The following UHRF2 variants were observed in gnomAD, a reference collection of about 807,000 sequenced individuals.
UHRF2 encodes E3 ubiquitin-protein ligase UHRF2.
A neutral mutation model predicts 96.8 loss-of-function variants in UHRF2; 23 were observed. The observed-to-expected ratio is 0.24, with a 90% CI of 0.17 to 0.34. The LOEUF (loss-of-function observed/expected upper bound fraction) is 0.34. UHRF2 is among the 10% of genes least tolerant of loss of function. UHRF2 has a pLI of 1.00. For missense variants in UHRF2, 685 were observed against 981.5 expected (o/e 0.70, Z 4.04); for synonymous variants, 385 against 332.6 (o/e 1.16, Z -1.72).
Position 6,433,995 on chromosome 9 carries a change from G to C in UHRF2, c.466G>C (p.Asp156His). 1 of 1,614,090 alleles carries C rather than the reference G, an allele frequency of 6.2e-7. No individual in the cohort carries two copies. ...AHIHSVTRAS[D>H]GQSRGKTPLK... ...CATACATAGTGTTACTAGAGCTTCT[G>C]ATGGACAGTCACGTGGCAAAACTCC... Residue 156 changes from aspartate to histidine, a missense_variant, in exon 3 of 16, where the codon GAT (aspartate) becomes CAT (histidine). Physicochemically the swap from Asp to His is moderately conservative, Grantham distance 81. Coordinates refer to ENST00000276893, the MANE Select transcript of UHRF2 (RefSeq NM_152896.3).
chr9:6,446,232 C>G (rs1832048535), intron 3 of UHRF2, among the ~76,000 whole-genome samples: 1 of 151,770 alleles, frequency 6.6e-6, no homozygotes, highest in African/African-American at 2.4e-5. Flanking sequence ...CTCACTGCAA[C>G]CTCCGCCTCC....
At chr9:6,464,506 A>G (rs1330771917) in intron 4 of UHRF2, among the ~76,000 whole-genome samples, 2 of 151,862 alleles carry the variant, frequency 1.3e-5, no homozygotes, top group Admixed American at 6.6e-5. Flanking sequence ...TCTTAAAGAT[A>G]CTCTTGTATT....
Position 6,413,498 on chromosome 9 carries a change from T to G in UHRF2, c.8T>G (p.Ile3Arg), listed in dbSNP as rs1437444894. The change falls in exon 1 of 16, where the codon ATA becomes AGA. Residue 3 changes from isoleucine (I) to arginine (R), a missense_variant. Around this residue, in one of 6 missense-constraint regions of UHRF2, gnomAD observed 38 missense variants for 35.9 expected, o/e 1.06. Transcript: ENST00000276893. ...TCCTCTCTAGGCGCCAAGATGTGGA[T>G]ACAGGTTCGCACCATTGATGGCTCC... MW[I>R]QVRTIDGSKT... 1 of 1,566,072 alleles carries G rather than the reference T, an allele frequency of 6.4e-7. No individual in the cohort carries two copies. Among genetic ancestry groups the G allele is most frequent in the Admixed American group, 1.8e-5 (1 of 54,582 alleles).
At chr9:6,414,544 A>G (rs1819479293) in intron 1 of UHRF2, among the ~76,000 whole-genome samples, 1 of 152,066 alleles carries the variant, frequency 6.6e-6, no homozygotes, top group South Asian at 2.1e-4. Flanking sequence ...CTTACAATCT[A>G]TATCCCTAGC....
At chr9:6,426,288 G>A (rs1820257950) in intron 2 of UHRF2, among the ~76,000 whole-genome samples, 1 of 152,144 alleles carries the variant, frequency 6.6e-6, no homozygotes, top group Non-Finnish European at 1.5e-5. Flanking sequence ...TTACTATGTG[G>A]TATAGATGTT....
intron 7 of UHRF2, 27 bp from the exon 8 acceptor site, chr9:6,481,965 T>A (rs749033730): frequency 2.7e-5 from 44 of 1,605,074 alleles, no homozygotes; most frequent in Non-Finnish European, 3.7e-5. Flanking sequence ...ATAACTGATT[T>A]CTCAACGTTT....
intron 13 of UHRF2, 44 bp downstream of exon 13, chr9:6,499,975 G>A (rs1385719191): frequency 7.4e-7 from 1 of 1,342,838 alleles, no homozygotes; most frequent in Admixed American, 2.0e-5. Flanking sequence ...ACATACTTTT[G>A]TTGTTGTTGT....
intron 1 of UHRF2, 113 bp from the exon 2 acceptor site, chr9:6,420,799 T>A (rs1400155661): frequency 8.9e-6 from 7 of 785,940 alleles, no homozygotes; most frequent in Non-Finnish European, 1.5e-5. Flanking sequence ...GGTTTTAAAA[T>A]CTCTAAACTG....
intron 4 of UHRF2, among the ~76,000 whole-genome samples, chr9:6,466,219 G>A (rs1443528857): frequency 6.6e-6 from 1 of 152,052 alleles, no homozygotes; most frequent in Non-Finnish European, 1.5e-5. Context: ...TGGCCAGCAG[G>A]GTGAAACCTC....
intron 8 of UHRF2, among the ~76,000 whole-genome samples, chr9:6,483,154 A>G (rs1824027017): frequency 6.6e-6 from 1 of 151,614 alleles, no homozygotes; most frequent in African/African-American, 2.4e-5. Flanking sequence ...GGTGAGACCC[A>G]TCTCTACTAA....
Position 6,477,671 on chromosome 9 carries a change from A to T in UHRF2, c.1023A>T (p.Lys341Asn). 1.3e-5 allele frequency: 21 copies of T among 1,614,134 alleles called. No individual in the cohort carries two copies. Among genetic ancestry groups the T allele is most frequent in the Non-Finnish European group, 1.8e-5 (21 of 1,179,982 alleles). Residue 341 changes from lysine to asparagine, a missense_variant, in exon 6 of 16, where the codon AAA (lysine) becomes AAT (asparagine). By Grantham distance (94) the Lys-to-Asn change is moderately conservative. Transcript: ENST00000276893. ...CDLCGGDPEKKCHSCSCRVCG... is the reference protein window; with the variant it reads ...CDLCGGDPEKNCHSCSCRVCG... ...TGTGTGGTGGAGACCCAGAAAAGAA[A>T]TGTCATTCTTGCTCCTGTCGTGTAT...
chr9:6,505,027 C>T (rs1364119379), intron 15 of UHRF2, among the ~76,000 whole-genome samples: 3 of 152,000 alleles, frequency 2.0e-5, no homozygotes, highest in Non-Finnish European at 4.4e-5. Context: ...ATTAATAAAT[C>T]ATATAAAACA....
At chr9:6,413,762 C>T (rs1392147370) in intron 1 of UHRF2, 119 bp downstream of exon 1, 15 of 1,242,422 alleles carry the variant, frequency 1.2e-5, no homozygotes, top group East Asian at 3.2e-5. Flanking sequence ...GGCTCCGCTG[C>T]GGGTGGGCAG....
chr9:6,484,440 C>A (rs990216126), intron 8 of UHRF2, among the ~76,000 whole-genome samples: 2 of 147,326 alleles, frequency 1.4e-5, no homozygotes, highest in Middle Eastern at 3.6e-3. Flanking sequence ...TGTCTCTTCC[C>A]TCCTCCCTCC....
At chr9:6,474,212 T>C (rs1475108764) in intron 4 of UHRF2, among the ~76,000 whole-genome samples, 1 of 152,254 alleles carries the variant, frequency 6.6e-6, no homozygotes, top group Non-Finnish European at 1.5e-5. Context: ...AAGCTATGCA[T>C]TTATGCAGTT....
chr9:6,459,843 C>T (rs182853963), intron 3 of UHRF2, among the ~76,000 whole-genome samples: 205 of 152,270 alleles, frequency 1.3e-3, no homozygotes, highest in African/African-American at 4.8e-3. Flanking sequence ...TGTGGTGGCA[C>T]GTGTCTGTAG....
At chr9:6,463,282 A>G (rs1259101594) in intron 4 of UHRF2, among the ~76,000 whole-genome samples, 1 of 14,168 alleles carries the variant, frequency 7.1e-5, no homozygotes, top group Non-Finnish European at 1.3e-4. Context: ...ACTTCGTCTC[A>G]ATAAAAAAAA....
At chr9:6,487,190 T>TTATTTTTTATTTTTA (rs1462179498) in intron 9 of UHRF2, among the ~76,000 whole-genome samples, 13 of 128,756 alleles carry the variant, frequency 1.0e-4, no homozygotes, top group African/African-American at 3.6e-4. Context: ...TCCTTTTTTT[T>TTATTTTTTATTTTTA]TTTTTTTTTT....
At chr9:6,472,260 G>T (rs952372729) in intron 4 of UHRF2, among the ~76,000 whole-genome samples, 13 of 152,198 alleles carry the variant, frequency 8.5e-5, no homozygotes, top group Non-Finnish European at 1.8e-4. Context: ...AGCAAAAAGT[G>T]AAGTTAGACC....
Sources: allele counts gnomAD v4.1 joint callset (sites outside exome capture counted in the v4.1 genomes callset), GRCh38; gene constraint gnomAD v4.1.1; regional missense constraint gnomAD v4.1.1; transcripts MANE v1.5; gene names NCBI Gene and HGNC (gene_info 2026-07-23, HGNC 2026-07-21).